ADAMTS12: variants seen among roughly 807,000 people sequenced by gnomAD.
ADAMTS12 encodes ADAM metallopeptidase with thrombospondin type 1 motif 12.
Under a neutral mutation model 167.8 loss-of-function variants are expected in ADAMTS12, and 118 were observed. The ratio of observed to expected loss-of-function variants is 0.70; its 90% CI spans 0.61 to 0.82. ADAMTS12 has a LOEUF of 0.82. Among genes scored for constraint, ADAMTS12 ranks in the 40% least tolerant of loss-of-function variants. The pLI is 0.00. For synonymous variants in ADAMTS12, 704 were observed against 716.9 expected (o/e 0.98, Z 0.29); for missense variants, 1,916 against 1,998.8 (o/e 0.96, Z 0.79).
At chr5:33,609,554 T>G (rs1176201263) in intron 16 of ADAMTS12, among the ~76,000 whole-genome samples, 2 of 151,958 alleles carry the variant, frequency 1.3e-5, no homozygotes, top group Admixed American at 6.6e-5. Flanking sequence ...TTGTATTTGT[T>G]GTAGAGACAG....
chr5:33,646,886 A>C (rs1202027585), intron 9 of ADAMTS12, among the ~76,000 whole-genome samples: 2 of 152,208 alleles, frequency 1.3e-5, no homozygotes, highest in Non-Finnish European at 2.9e-5. Flanking sequence ...ATACCATGAA[A>C]GTGAGAGAAA....
rs568975447 is a variant in ADAMTS12, at chr5:33,788,769, C to T, written c.490-37221G>A. Among the ~76,000 whole-genome samples the T allele has an allele frequency of 1.2e-3, 184 of 152,336 alleles. 1 individual carries two copies. The highest frequency in any genetic ancestry group is 4.3e-3 in the African/African-American group (179 of 41,578). On this transcript the variant is annotated intron_variant, in intron 2 of 23. Transcript: ENST00000504830. ...TATTACCAAAAACCCTACTTTCCAC[C>T]TGTAGACCACTTGGCAGTTACTAAA... is the stretch of plus-strand genomic sequence containing the variant.
chr5:33,879,303 T>A (rs1049859374), intron 2 of ADAMTS12, among the ~76,000 whole-genome samples: 1 of 152,088 alleles, frequency 6.6e-6, no homozygotes, highest in East Asian at 1.9e-4. Context: ...CAATGTGATG[T>A]TGATTCTGCA....
chr5:33,833,362 G>A (rs917260711), intron 2 of ADAMTS12, among the ~76,000 whole-genome samples: 8 of 152,180 alleles, frequency 5.3e-5, no homozygotes, highest in Non-Finnish European at 7.3e-5. Flanking sequence ...AAGGAAACAC[G>A]AGGTCATAAT....
intron 2 of ADAMTS12, among the ~76,000 whole-genome samples, chr5:33,859,138 C>G (rs1022555013): frequency 3.3e-5 from 5 of 152,222 alleles, no homozygotes; most frequent in Non-Finnish European, 7.3e-5. Flanking sequence ...CCAGTGGCAC[C>G]TGGAATGCCA....
chr5:33,578,455 A>G (rs1218060514), intron 18 of ADAMTS12, among the ~76,000 whole-genome samples: 2 of 152,296 alleles, frequency 1.3e-5, no homozygotes, highest in East Asian at 3.9e-4. Context: ...CTGTCCATGG[A>G]GTTCACTCAG....
chr5:33,561,969 T>C (rs1472106687), intron 19 of ADAMTS12, among the ~76,000 whole-genome samples: 1 of 152,200 alleles, frequency 6.6e-6, no homozygotes, highest in Non-Finnish European at 1.5e-5. Flanking sequence ...TGTAGTCTGG[T>C]ATCATTATGG....
chr5:33,601,999 T>C (rs557933747), intron 16 of ADAMTS12, among the ~76,000 whole-genome samples: 136 of 116,126 alleles, frequency 1.2e-3, no homozygotes, highest in African/African-American at 3.6e-3. Context: ...CCTTTCTGTG[T>C]CCAAGTCAGG....
At chr5:33,623,928 T>C (rs1448563908) in intron 14 of ADAMTS12, among the ~76,000 whole-genome samples, 1 of 152,156 alleles carries the variant, frequency 6.6e-6, no homozygotes, top group East Asian at 1.9e-4. Context: ...GTGATGCTTG[T>C]TCCCAAAGGG....
chr5:33,815,934 T>G (rs1464051598), intron 2 of ADAMTS12, among the ~76,000 whole-genome samples: 1 of 152,218 alleles, frequency 6.6e-6, no homozygotes, highest in East Asian at 1.9e-4. Context: ...GGATGTCCTG[T>G]GCTCTCTCAT....
intron 18 of ADAMTS12, among the ~76,000 whole-genome samples, chr5:33,579,656 G>A (rs946116262): frequency 2.0e-5 from 3 of 152,168 alleles, no homozygotes; most frequent in African/African-American, 4.8e-5. Context: ...ATTCCCTGAT[G>A]TATCATATTA....
At chr5:33,727,186 G>T (rs1318163332) in intron 3 of ADAMTS12, among the ~76,000 whole-genome samples, 1 of 152,140 alleles carries the variant, frequency 6.6e-6, no homozygotes, top group Non-Finnish European at 1.5e-5. Flanking sequence ...CAAGCACAAT[G>T]AACTGTGGCT....
At chr5:33,737,511 A>C (rs1165399646) in intron 3 of ADAMTS12, among the ~76,000 whole-genome samples, 6 of 151,534 alleles carry the variant, frequency 4.0e-5, no homozygotes, top group Non-Finnish European at 8.8e-5. Context: ...CAACAATGTG[A>C]ATATACAAAC....
rs1270055582 is a variant in ADAMTS12 at position 33,577,119 on chromosome 5, G to A, written c.2907C>T (p.Val969=). ...SCGGGVRIRS[V]TCAKNHDEPC... is the part of the protein sequence containing the mutation. ...GTTCATCATGGTTCTTGGCACATGT[G>A]ACACTGCGAATCCGCACTCCACCAC... Residue 969 remains valine (V), a synonymous_variant, in exon 19 of 24, where the codon GTC becomes GTT. Coordinates refer to ENST00000504830, the MANE Select transcript of ADAMTS12 (RefSeq NM_030955.4). 1 of 1,614,198 alleles carries A rather than the reference G, an allele frequency of 6.2e-7. No individual in the cohort carries two copies. Among genetic ancestry groups the A allele is most frequent in the African/African-American group, 1.3e-5 (1 of 75,052 alleles).
intron 8 of ADAMTS12, 51 bp from the exon 9 acceptor site, chr5:33,649,017 C>T (rs1740781619): frequency 6.3e-7 from 1 of 1,594,532 alleles, no homozygotes; most frequent in East Asian, 2.2e-5. Context: ...TTCCCTTTAC[C>T]TTCAGCCTTT....
intron 2 of ADAMTS12, among the ~76,000 whole-genome samples, chr5:33,778,089 C>G (rs895459687): frequency 2.0e-5 from 3 of 151,982 alleles, no homozygotes; most frequent in African/African-American, 7.2e-5. Flanking sequence ...TGAAAAATAT[C>G]AGTACTACCC....
intron 2 of ADAMTS12, among the ~76,000 whole-genome samples, chr5:33,779,853 A>G (rs1046426512): frequency 6.6e-6 from 1 of 152,170 alleles, no homozygotes; most frequent in African/African-American, 2.4e-5. Flanking sequence ...AAGGGTATGA[A>G]GTTTCAGTTA....
intron 6 of ADAMTS12, among the ~76,000 whole-genome samples, chr5:33,659,953 C>G (rs939491853): frequency 2.0e-5 from 3 of 152,198 alleles, no homozygotes; most frequent in Admixed American, 6.5e-5. Context: ...TTGGCAATGT[C>G]TGCAGACAGT....
intron 2 of ADAMTS12, among the ~76,000 whole-genome samples, chr5:33,849,032 T>C (rs1749066234): frequency 6.9e-6 from 1 of 144,230 alleles, no homozygotes; most frequent in South Asian, 2.2e-4. Flanking sequence ...TGCATAGCAA[T>C]ATATATATAT....
Sources: allele counts gnomAD v4.1 joint callset (sites outside exome capture counted in the v4.1 genomes callset), GRCh38; gene constraint gnomAD v4.1.1; transcripts MANE v1.5; gene names NCBI Gene and HGNC (gene_info 2026-07-23, HGNC 2026-07-21).